TAF4: variants seen among roughly 807,000 people sequenced by gnomAD.
TAF4 encodes the protein transcription initiation factor TFIID subunit 4.
In TAF4, 9 loss-of-function variants were observed where a neutral mutation model predicts 90.3. That is an observed-to-expected ratio of 0.10 (90% CI 0.06 to 0.17). The LOEUF (loss-of-function observed/expected upper bound fraction) is 0.17. Ranked by LOEUF, TAF4 falls within the 10% of genes least tolerant of loss-of-function variation. TAF4 has a pLI of 1.00. For missense variants in TAF4, 1,351 were observed against 1,370.7 expected, an observed-to-expected ratio of 0.99 and a Z score of 0.23; for synonymous variants, 818 against 638.9, an observed-to-expected ratio of 1.28 and a Z score of -4.23.
intron 1 of TAF4, among the ~76,000 whole-genome samples, chr20:62,022,032 G>GT (rs1413665686): frequency 7.9e-5 from 12 of 151,936 alleles, no homozygotes; most frequent in African/African-American, 2.9e-4. Flanking sequence ...CTCCAGGCCC[G>GT]CCAAGGTCTT....
intron 1 of TAF4, among the ~76,000 whole-genome samples, chr20:62,045,674 A>G (rs2055989306): frequency 6.6e-6 from 1 of 152,240 alleles, no homozygotes. Flanking sequence ...TTGTGAGTGT[A>G]AGGCTACATA....
intron 1 of TAF4, among the ~76,000 whole-genome samples, chr20:62,036,986 G>A (rs1480757822): frequency 6.6e-6 from 1 of 152,194 alleles, no homozygotes; most frequent in Non-Finnish European, 1.5e-5. Flanking sequence ...CAGGCAGCAG[G>A]CCCTCACCAG....
rs773338719 is a variant in TAF4, at chr20:62,012,942, A to G, written c.1522-8T>C. 6.2e-7 allele frequency: 1 copy of G among 1,612,058 alleles called. No individual in the cohort carries two copies. Among genetic ancestry groups the G allele is most frequent in the Non-Finnish European group, 8.5e-7 (1 of 1,179,514 alleles). On this transcript the variant is annotated splice_region_variant and splice_polypyrimidine_tract_variant and intron_variant, in intron 2 of 14. Transcript: ENST00000252996. ...GATAGGTGTTCCAGGTGCCTGAAAA[A>G]TAAGCAGAGTCACCTAAAACGAGCG... is the stretch of plus-strand genomic sequence containing the variant.
chr20:62,001,506 C>G (rs1276199350), intron 9 of TAF4, among the ~76,000 whole-genome samples: 6 of 152,210 alleles, frequency 3.9e-5, no homozygotes, highest in African/African-American at 9.7e-5. Context: ...TCCACATGCA[C>G]GCAGCCTCCA....
At chr20:61,985,928 C>G (rs1029682335) in intron 14 of TAF4, among the ~76,000 whole-genome samples, 11 of 151,876 alleles carry the variant, frequency 7.2e-5, no homozygotes, top group Admixed American at 2.6e-4. Flanking sequence ...AAGGAAGCAC[C>G]ATCCCCGACC....
chr20:62,029,153 G>A (rs537926634), intron 1 of TAF4, among the ~76,000 whole-genome samples: 2 of 148,774 alleles, frequency 1.3e-5, no homozygotes, highest in Admixed American at 6.7e-5. Flanking sequence ...CCAAGATCGC[G>A]CCACTGCACT....
At chr20:62,014,813 G>C (rs368936605) in intron 1 of TAF4, 106 bp from the exon 2 acceptor site, 3 of 1,470,594 alleles carry the variant, frequency 2.0e-6, no homozygotes, top group Admixed American at 2.3e-5. Flanking sequence ...GGAAACAAAG[G>C]AAATCAAGTC....
rs910427558 is a variant in TAF4 at position 62,064,849 on chromosome 20, C to A, written c.962G>T (p.Gly321Val). 3 of 958,940 alleles carry A rather than the reference C, an allele frequency of 3.1e-6. No homozygotes were observed. Among genetic ancestry groups the A allele is most frequent in the Non-Finnish European group, 3.7e-6 (3 of 811,638 alleles). 59.4% of individuals were successfully genotyped at this position (958,940 alleles called of 1,614,324 possible). The part of the protein sequence containing the change: ...AAPAPAPAAG[G>V]PAGVSGQPGP... ...GGGTTGGCCGCTGACCCCCGCGGGGCCCCCGGCGGCCGGGGCGGGGGCGGG... is the reference window on the plus strand; with the variant it reads ...GGGTTGGCCGCTGACCCCCGCGGGGACCCCGGCGGCCGGGGCGGGGGCGGG... Residue 321 changes from glycine (G) to valine (V), a missense_variant, in exon 1 of 15, where the codon GGC (glycine) becomes GTC (valine). Physicochemically the swap from Gly to Val is moderately radical, Grantham distance 109. Around this residue, in one of 9 missense-constraint regions of TAF4, gnomAD observed 782 missense variants for 536.6 expected, o/e 1.46. Coordinates refer to ENST00000252996, the MANE Select transcript of TAF4 (RefSeq NM_003185.4).
In TAF4 at chr20:62,065,562, G is replaced by A. The variant is rs1237632031; in HGVS notation, c.249C>T (p.Pro83=). Residue 83 remains proline, a synonymous_variant, in exon 1 of 15, where the codon CCC becomes CCT. Transcript: ENST00000252996. ...CGGGGGGCGGCTCCGGCGCCGCTCCGGGCGCGCCCTCGGCGGGGGCGGCCG... is the reference window on the plus strand; with the variant it reads ...CGGGGGGCGGCTCCGGCGCCGCTCCAGGCGCGCCCTCGGCGGGGGCGGCCG... The part of the protein sequence containing the change: ...AGPAAPAEGA[P]GAAPEPPPAG... The A allele has an allele frequency of 7.2e-6, 7 of 977,824 alleles. No homozygotes were observed. Among genetic ancestry groups the A allele is most frequent in the East Asian group, 1.2e-4 (1 of 8,412 alleles). 60.6% of individuals were successfully genotyped at this position (977,824 alleles called of 1,614,324 possible). A position where few individuals can be genotyped will look rare whatever the true frequency, so the allele number is the denominator to read the frequency against.
intron 1 of TAF4, among the ~76,000 whole-genome samples, chr20:62,043,755 G>A (rs939429993): frequency 3.3e-5 from 5 of 152,210 alleles, no homozygotes; most frequent in Admixed American, 3.3e-4. Flanking sequence ...GCACCACACA[G>A]CCTAAGAGTG....
At chr20:62,004,313 TTTTTC>T (rs1160314641) in intron 7 of TAF4, among the ~76,000 whole-genome samples, 63 of 134,302 alleles carry the variant, frequency 4.7e-4, no homozygotes, top group East Asian at 3.3e-3. Context: ...TGAATTTTCT[TTTTTC>T]TTTTCTTTTC....
intron 1 of TAF4, chr20:62,037,604 C>T (rs771604342): frequency 6.5e-6 from 1 of 153,456 alleles, no homozygotes; most frequent in African/African-American, 2.4e-5. Flanking sequence ...CACAGCGCAT[C>T]CTGGGTGCTC....
At chr20:62,055,271 AGAC>A (rs2145518369) in intron 1 of TAF4, among the ~76,000 whole-genome samples, 1 of 150,258 alleles carries the variant, frequency 6.7e-6, no homozygotes, top group Non-Finnish European at 1.5e-5. Flanking sequence ...CAGTCCTGCA[AGAC>A]GATCGATTCA....
intron 2 of TAF4, among the ~76,000 whole-genome samples, chr20:62,014,257 A>G (rs28382047): frequency 0.2 from 30,222 of 151,928 alleles, 3,855 homozygotes; most frequent in East Asian, 0.47. Context: ...GGAAGGGGCC[A>G]GAGCGGCCAA....
At chr20:62,017,421 G>A (rs1480568257) in intron 1 of TAF4, among the ~76,000 whole-genome samples, 11 of 151,818 alleles carry the variant, frequency 7.2e-5, no homozygotes, top group Admixed American at 2.6e-4. Flanking sequence ...GGTAGATCAC[G>A]AGGTCAGGAG....
chr20:62,012,772 G>A (rs373348625), intron 3 of TAF4, 43 bp downstream of exon 3: 286 of 1,563,526 alleles, frequency 1.8e-4, no homozygotes, highest in Non-Finnish European at 2.3e-4. Context: ...ATCACACTTC[G>A]TGGCCCCTGC....
intron 1 of TAF4, among the ~76,000 whole-genome samples, chr20:62,017,347 T>C (rs569256374): frequency 1.3e-5 from 2 of 151,942 alleles, no homozygotes; most frequent in South Asian, 2.1e-4. Context: ...CTTTAAAAAA[T>C]TGCATCCAAG....
rs182747380 is a variant in TAF4 at position 61,988,597 on chromosome 20, G to A, written c.3090+8953C>T. Among the ~76,000 whole-genome samples, 387 of 152,312 alleles carry A rather than the reference G, an allele frequency of 2.5e-3. 2 individuals are homozygous for A. Among genetic ancestry groups the A allele is most frequent in the African/African-American group, 8.9e-3 (369 of 41,562 alleles). ...CCTACAAGAAGAAAAGAATGACTGA[G>A]CATCATCTTTGATGAAGAAAGGTGT... On this transcript the variant is annotated intron_variant, in intron 14 of 14. Coordinates refer to ENST00000252996, the MANE Select transcript of TAF4 (RefSeq NM_003185.4).
At position 62,038,757 on chromosome 20, in the gene TAF4, G is replaced by A. The variant is rs144026393; in HGVS notation, c.1361-24050C>T. Among the ~76,000 whole-genome samples the A allele has an allele frequency of 8.7e-3, 1,321 of 152,206 alleles. 20 individuals are homozygous for A. Among genetic ancestry groups the A allele is most frequent in the African/African-American group, 0.03 (1,248 of 41,536 alleles). On this transcript the variant is annotated intron_variant, in intron 1 of 14. Transcript: ENST00000252996. ...ATAGACTCAATACAATCCCAAGCAAGATATCAAGGTATTGGCCAGGCCCAG... is the reference window on the plus strand; with the variant it reads ...ATAGACTCAATACAATCCCAAGCAAAATATCAAGGTATTGGCCAGGCCCAG...
Sources: allele counts gnomAD v4.1 joint callset (sites outside exome capture counted in the v4.1 genomes callset), GRCh38; gene constraint gnomAD v4.1.1; regional missense constraint gnomAD v4.1.1; transcripts MANE v1.5; gene names NCBI Gene and HGNC (gene_info 2026-07-23, HGNC 2026-07-21).